The following THUMPD2 variants were observed in gnomAD, a reference collection of about 807,000 sequenced individuals.
The protein encoded by THUMPD2 is THUMP domain 2 tRNA and snRNA guanosine methyltransferase.
A neutral mutation model predicts 49.4 loss-of-function variants in THUMPD2; 56 were observed. That is an observed-to-expected ratio of 1.13 (90% confidence interval 0.91 to 1.41). The LOEUF (loss-of-function observed/expected upper bound fraction) is 1.41, where lower values mean the gene tolerates loss of function less well. THUMPD2 is among the 40% of genes most tolerant of loss of function. The probability of loss-of-function intolerance (pLI) is 0.00; values close to 1 mark genes in which losing one functional copy is unlikely to be tolerated. For missense variants in THUMPD2, 709 were observed against 594.5 expected (o/e 1.19, Z -2.00); for synonymous variants, 237 against 205.2 (o/e 1.15, Z -1.32).
chr2:39,774,470 G>C (rs1479131227), intron 1 of THUMPD2, among the ~76,000 whole-genome samples: 1 of 152,180 alleles, frequency 6.6e-6, no homozygotes, highest in Non-Finnish European at 1.5e-5. Flanking sequence ...TTTGCTTGAA[G>C]TCACAGTTTC....
chr2:39,774,264 A>G (rs149074004), intron 1 of THUMPD2, among the ~76,000 whole-genome samples: 1 of 152,260 alleles, frequency 6.6e-6, no homozygotes, highest in African/African-American at 2.4e-5. Flanking sequence ...GTTTTTATCA[A>G]TCTTTCTTAA....
At chr2:39,753,512 C>T (rs4670957) in intron 8 of THUMPD2, among the ~76,000 whole-genome samples, 61,804 of 151,970 alleles carry the variant, frequency 0.41, 13,657 homozygotes, top group East Asian at 0.74. Context: ...ATTCTCTATA[C>T]TGGTGATCCC....
chr2:39,767,223 T>C (rs1411553489), intron 4 of THUMPD2, among the ~76,000 whole-genome samples: 3 of 152,170 alleles, frequency 2.0e-5, no homozygotes, highest in African/African-American at 4.8e-5. Flanking sequence ...TATTTATTTA[T>C]GAGATAATCT....
chr2:39,770,840 A>G (rs1401720562), intron 2 of THUMPD2, among the ~76,000 whole-genome samples: 1 of 152,214 alleles, frequency 6.6e-6, no homozygotes, highest in Middle Eastern at 3.4e-3. Flanking sequence ...ATCTTTCTTA[A>G]AATAGTTTAT....
chr2:39,755,067 A>G (rs1214780344), intron 8 of THUMPD2, among the ~76,000 whole-genome samples: 1 of 152,192 alleles, frequency 6.6e-6, no homozygotes, highest in South Asian at 2.1e-4. Flanking sequence ...ACACATTTTA[A>G]GAAGTCATGC....
intron 9 of THUMPD2, among the ~76,000 whole-genome samples, chr2:39,740,923 G>T (rs933462229): frequency 3.3e-5 from 5 of 151,960 alleles, no homozygotes; most frequent in South Asian, 2.1e-4. Flanking sequence ...TGTTGTCCGG[G>T]CTAGTCTTGA....
In THUMPD2 at chr2:39,768,666, G is replaced by A. The variant is rs1015686955; in HGVS notation, c.673-165C>T. Reference sequence around the variant, plus strand: ...GTACATGAAAGCATTTCCTATTCAAGGCAGTAAGGCTGTATTTTACCTGCC... The same window carrying A: ...GTACATGAAAGCATTTCCTATTCAAAGCAGTAAGGCTGTATTTTACCTGCC... On this transcript the variant is annotated intron_variant, in intron 3 of 9. Transcript: ENST00000505747. 3.4e-5 allele frequency: 24 copies of A among 701,258 alleles called. No individual in the cohort carries two copies. In the African/African-American group the frequency reaches 4.1e-4, roughly 12 times the overall value. The allele number at this position is 701,258 out of a possible 1,614,324, so 43.4% of individuals were successfully genotyped here.
chr2:39,756,625 G>A (rs1676165219), intron 6 of THUMPD2, among the ~76,000 whole-genome samples: 1 of 152,106 alleles, frequency 6.6e-6, no homozygotes, highest in African/African-American at 2.4e-5. Flanking sequence ...TGTTCGGGTA[G>A]CAGAGGAAGT....
intron 8 of THUMPD2, among the ~76,000 whole-genome samples, chr2:39,754,138 A>G (rs1055685749): frequency 6.6e-6 from 1 of 152,176 alleles, no homozygotes; most frequent in African/African-American, 2.4e-5. Flanking sequence ...AAGGGATTGA[A>G]AACTCACTGC....
At chr2:39,757,383 C>T (rs922336875) in intron 6 of THUMPD2, 2 of 1,303,400 alleles carry the variant, frequency 1.5e-6, no homozygotes, top group African/African-American at 3.0e-5. Flanking sequence ...TGGAAAGAAA[C>T]AAAATGTTCT....
rs530999776 is a variant in THUMPD2, at chr2:39,769,747, C to A, written c.635G>T (p.Arg212Leu). 1.3e-5 allele frequency: 21 copies of A among 1,582,870 alleles called. No homozygotes were observed. In the South Asian group the frequency reaches 2.5e-4, roughly 19 times the overall value. Residue 212 changes from arginine to leucine, a missense_variant, in exon 3 of 10, where the codon CGC (arginine) becomes CTC (leucine). Transcript: ENST00000505747. ...QNDLTFRVSCRCSGTIGKAFT... is the reference protein window; with the variant it reads ...QNDLTFRVSCLCSGTIGKAFT... The stretch of plus-strand genomic sequence containing the variant: ...GGCCTTTCCAATAGTTCCACTGCAG[C>A]GACAAGATACTCTGAAAGTCAAGTC...
chr2:39,768,906 A>C, intron 3 of THUMPD2: 1 of 1,300,780 alleles, frequency 7.7e-7, no homozygotes, highest in Non-Finnish European at 1.0e-6. Flanking sequence ...CTCACCCTTT[A>C]GGGTTTGACT....
At chr2:39,756,169 C>A (rs1676090706) in intron 6 of THUMPD2, among the ~76,000 whole-genome samples, 1 of 151,602 alleles carries the variant, frequency 6.6e-6, no homozygotes, top group South Asian at 2.1e-4. Flanking sequence ...TGGGGATGAC[C>A]CAGTAGAAGG....
At chr2:39,759,728 C>T (rs1045618896) in intron 6 of THUMPD2, among the ~76,000 whole-genome samples, 3 of 152,182 alleles carry the variant, frequency 2.0e-5, no homozygotes, top group East Asian at 1.9e-4. Flanking sequence ...TCTGTGTCAC[C>T]GGAAGCTAAA....
chr2:39,757,336 C>T lies in THUMPD2; in HGVS notation c.892-1376G>A, dbSNP rs1458732517. On this transcript the variant is annotated intron_variant, in intron 6 of 9. Transcript: ENST00000505747. ...TACAGAGGAAGCAGAGTCCTCAGTG[C>T]ACAGCCAGGTTTCAGTCAGAGCCAT... 7.2e-6 allele frequency: 9 copies of T among 1,243,420 alleles called. No homozygotes were observed. The African/African-American group carries it at 1.2e-4, about 17-fold the overall frequency. 77.0% of individuals were successfully genotyped at this position (1,243,420 alleles called of 1,614,324 possible).
At chr2:39,758,772 C>G (rs6722850) in intron 6 of THUMPD2, among the ~76,000 whole-genome samples, 1,724 of 149,576 alleles carry the variant, frequency 0.012, 36 homozygotes, top group African/African-American at 0.04. Flanking sequence ...CAAACAAAAA[C>G]CAATGGCACA....
Position 39,737,026 on chromosome 2 carries a change from C to T in THUMPD2, c.1221G>A (p.Leu407=), listed in dbSNP as rs1458773586. 1 of 1,612,726 alleles carries T rather than the reference C, an allele frequency of 6.2e-7. No homozygotes were observed. The highest frequency in any genetic ancestry group is 2.2e-5 in the East Asian group (1 of 44,840). Residue 407 remains leucine (L), a synonymous_variant, in exon 10 of 10, where the codon TTG becomes TTA. Transcript: ENST00000505747. ...VLHVGGTIVL[L]LSEDHHRRLT... Reference sequence around the variant, plus strand: ...GGCGCCTGTGGTGATCTTCACTAAGCAACAATACAATGGTTCCGCCAACAT... The same window carrying T: ...GGCGCCTGTGGTGATCTTCACTAAGTAACAATACAATGGTTCCGCCAACAT...
chr2:39,769,014 G>C (rs1324048043), intron 3 of THUMPD2: 1 of 1,304,554 alleles, frequency 7.7e-7, no homozygotes, highest in African/African-American at 1.5e-5. Flanking sequence ...AACAGTTTGT[G>C]GTGTTCGCTC....
At chr2:39,772,755 A>T (rs1039328013) in intron 1 of THUMPD2, among the ~76,000 whole-genome samples, 3 of 152,154 alleles carry the variant, frequency 2.0e-5, no homozygotes, top group African/African-American at 7.2e-5. Flanking sequence ...ACATGGTTCT[A>T]AATAATCTCC....
Sources: allele counts gnomAD v4.1 joint callset (sites outside exome capture counted in the v4.1 genomes callset), GRCh38; gene constraint gnomAD v4.1.1; transcripts MANE v1.5; gene names NCBI Gene and HGNC (gene_info 2026-07-23, HGNC 2026-07-21).